The following RUNX1 variants were observed in gnomAD, a reference collection of about 807,000 sequenced individuals.
RUNX1 encodes the protein RUNX family transcription factor 1.
Under a neutral mutation model 42.8 loss-of-function variants are expected in RUNX1, and 19 were observed. That is an observed-to-expected ratio of 0.44 (90% CI 0.31 to 0.65). The LOEUF (loss-of-function observed/expected upper bound fraction) is 0.65. Among genes scored for constraint, RUNX1 ranks in the 30% least tolerant of loss-of-function variants. The probability of loss-of-function intolerance (pLI) is 0.07; values close to 1 mark genes in which losing one functional copy is unlikely to be tolerated. For missense variants in RUNX1, 528 were observed against 672.0 expected (o/e 0.79, Z 2.37); for synonymous variants, 271 against 289.4 (o/e 0.94, Z 0.64).
chr21:34,842,163 A>C (rs542518486), intron 6 of RUNX1, among the ~76,000 whole-genome samples: 1 of 152,304 alleles, frequency 6.6e-6, no homozygotes, highest in East Asian at 1.9e-4. Flanking sequence ...GTTGAGAAAA[A>C]ATACAATATC....
chr21:34,872,507 A>G (rs1242487966), intron 5 of RUNX1, among the ~76,000 whole-genome samples: 1 of 152,228 alleles, frequency 6.6e-6, no homozygotes, highest in Non-Finnish European at 1.5e-5. Context: ...AAAAACTTTT[A>G]ATATTCAGTG....
intron 7 of RUNX1, among the ~76,000 whole-genome samples, chr21:34,810,521 A>G (rs1402223664): frequency 6.6e-6 from 1 of 152,224 alleles, no homozygotes; most frequent in Non-Finnish European, 1.5e-5. Context: ...CTGTCTCTCT[A>G]AAAGCCAAAA....
chr21:34,887,261 T>TG, intron 3 of RUNX1, 165 bp from the exon 4 acceptor site: 2 of 1,001,168 alleles, frequency 2.0e-6, no homozygotes, highest in South Asian at 2.1e-5. Flanking sequence ...GCGGGGGTGG[T>TG]TAGGGGAGGA....
In RUNX1 at chr21:34,799,296, C is replaced by G. The variant is rs2056574406; in HGVS notation, c.967+5G>C. 6.2e-7 allele frequency: 1 copy of G among 1,614,144 alleles called. No individual in the cohort carries two copies. Among genetic ancestry groups the G allele is most frequent in the Middle Eastern group, 1.7e-4 (1 of 6,058 alleles). ...CTGCAAAGAATGTGTTTTCAAGTGG[C>G]TTACTTGAGAGTCGACTGGAAAGTT... On this transcript the variant is annotated splice_donor_5th_base_variant and intron_variant, in intron 8 of 8. Transcript: ENST00000675419.
chr21:34,876,909 T>A (rs1352517054), intron 5 of RUNX1, among the ~76,000 whole-genome samples: 2 of 152,124 alleles, frequency 1.3e-5, no homozygotes, highest in African/African-American at 2.4e-5. Flanking sequence ...CAGACTGGAG[T>A]GCAGTGGCGC....
chr21:34,836,985 TTTTG>T (rs1034731421), intron 6 of RUNX1, among the ~76,000 whole-genome samples: 68 of 152,140 alleles, frequency 4.5e-4, no homozygotes, highest in African/African-American at 1.4e-3. Flanking sequence ...GTGAGGTATT[TTTTG>T]TTTGTTTGTT....
At chr21:34,998,104 T>C (rs2059010659) in intron 2 of RUNX1, among the ~76,000 whole-genome samples, 1 of 152,230 alleles carries the variant, frequency 6.6e-6, no homozygotes, top group Admixed American at 6.5e-5. Context: ...TTGCATCTTC[T>C]ATGTTTCTCT....
chr21:34,844,967 G>A (rs909145791), intron 6 of RUNX1, among the ~76,000 whole-genome samples: 4 of 152,222 alleles, frequency 2.6e-5, no homozygotes, highest in Non-Finnish European at 1.5e-5. Flanking sequence ...TGAACAGAAC[G>A]TTGACCCTCC....
rs1012914743 is a variant in RUNX1 at position 34,790,863 on chromosome 21, C to A, written c.*1272G>T. 4.3e-5 allele frequency: 10 copies of A among 233,206 alleles called. No individual in the cohort carries two copies. The highest frequency in any genetic ancestry group is 2.0e-4 in the African/African-American group (9 of 45,322). The allele number at this position is 233,206 out of a possible 1,614,324, so 14.4% of individuals were successfully genotyped here. A position where few individuals can be genotyped will look rare whatever the true frequency, so the allele number is the denominator to read the frequency against. On this transcript the variant is annotated 3_prime_UTR_variant, in exon 9 of 9. Coordinates refer to ENST00000675419, the MANE Select transcript of RUNX1 (RefSeq NM_001754.5). ...TTCCTATGTAAATGTGGCTCCCCTA[C>A]ACAGTTTACTTTGGCTGTGTTCTGT...
intron 6 of RUNX1, among the ~76,000 whole-genome samples, chr21:34,842,020 G>A (rs1463104879): frequency 2.6e-5 from 4 of 152,206 alleles, no homozygotes; most frequent in Admixed American, 1.3e-4. Flanking sequence ...ATGAATGAAT[G>A]AGTACTCAGG....
intron 6 of RUNX1, among the ~76,000 whole-genome samples, chr21:34,855,369 G>C (rs1014898273): frequency 6.6e-6 from 1 of 152,178 alleles, no homozygotes; most frequent in South Asian, 2.1e-4. Flanking sequence ...CTGAGAGCTG[G>C]AGTTTTTCAT....
chr21:34,893,906 A>G (rs2058107816), intron 2 of RUNX1, among the ~76,000 whole-genome samples: 1 of 152,190 alleles, frequency 6.6e-6, no homozygotes, highest in African/African-American at 2.4e-5. Context: ...TAAAAGGAAC[A>G]ACTAAAATAA....
chr21:34,982,385 G>A (rs951613074), intron 2 of RUNX1, among the ~76,000 whole-genome samples: 5 of 107,764 alleles, frequency 4.6e-5, no homozygotes, highest in African/African-American at 1.8e-4. Flanking sequence ...GCTCAATTAT[G>A]AAGTCAAAAG....
chr21:34,930,719 T>TCACACA (rs67114485), intron 2 of RUNX1, among the ~76,000 whole-genome samples: 4 of 140,510 alleles, frequency 2.8e-5, no homozygotes, highest in African/African-American at 5.0e-5. Context: ...TCTCTCTCTC[T>TCACACA]CACACACACA....
chr21:35,047,623 C>A (rs75759495), intron 2 of RUNX1, among the ~76,000 whole-genome samples: 7,863 of 142,616 alleles, frequency 0.055, 248 homozygotes, highest in Non-Finnish European at 0.085. Flanking sequence ...TTTCAGGGAC[C>A]CGGAAACATA....
chr21:34,847,255 A>G (rs1270474449), intron 6 of RUNX1, among the ~76,000 whole-genome samples: 1 of 152,236 alleles, frequency 6.6e-6, no homozygotes, highest in Non-Finnish European at 1.5e-5. Flanking sequence ...TAAAAAGGGT[A>G]TCTAGTTGTA....
Position 35,040,382 on chromosome 21 carries a change from A to G in RUNX1, c.58+8460T>C, listed in dbSNP as rs1175989948. Among the ~76,000 whole-genome samples the G allele has an allele frequency of 2.6e-5, 4 of 152,350 alleles. No individual in the cohort carries two copies. In the East Asian group the frequency reaches 5.8e-4, roughly 22 times the overall value. ...GCAGTAATAAGAAACAAACATTGAT[A>G]GCTATACATATTATAAAATTTTGCA... On this transcript the variant is annotated intron_variant, in intron 2 of 8. Coordinates refer to ENST00000675419, the MANE Select transcript of RUNX1 (RefSeq NM_001754.5).
intron 5 of RUNX1, among the ~76,000 whole-genome samples, chr21:34,873,569 T>C (rs796866978): frequency 6.6e-6 from 1 of 152,230 alleles, no homozygotes; most frequent in African/African-American, 2.4e-5. Flanking sequence ...AGGAAACGCA[T>C]TTTCAGTCTA....
At chr21:34,868,450 C>T (rs1200700155) in intron 5 of RUNX1, among the ~76,000 whole-genome samples, 1 of 152,152 alleles carries the variant, frequency 6.6e-6, no homozygotes, top group Non-Finnish European at 1.5e-5. Flanking sequence ...GCAATCCCCG[C>T]CCTATCTCTC....
Sources: allele counts gnomAD v4.1 joint callset (sites outside exome capture counted in the v4.1 genomes callset), GRCh38; gene constraint gnomAD v4.1.1; transcripts MANE v1.5; gene names NCBI Gene and HGNC (gene_info 2026-07-23, HGNC 2026-07-21).